ECD: variants seen among roughly 807,000 people sequenced by gnomAD.
The protein encoded by ECD is ecdysoneless cell cycle regulator.
A neutral mutation model predicts 77.2 loss-of-function variants in ECD; 59 were observed. The ratio of observed to expected loss-of-function variants is 0.76; its 90% CI spans 0.62 to 0.95. The LOEUF (loss-of-function observed/expected upper bound fraction) is 0.95, where lower values mean the gene tolerates loss of function less well. Among genes scored for constraint, ECD ranks in the 40% least tolerant of loss-of-function variants. The probability of loss-of-function intolerance (pLI) is 0.00; values close to 1 mark genes in which losing one functional copy is unlikely to be tolerated. For missense variants in ECD, 704 were observed against 763.4 expected (o/e 0.92, Z 0.92); for synonymous variants, 233 against 267.4 (o/e 0.87, Z 1.26).
chr10:73,156,594 G>T lies in ECD; in HGVS notation c.385C>A (p.Leu129Met). ...CTATTGGTGCTATTTTCAGGATCCA[G>T]CCATTTAGGGAGAAAGTCAGCAGCT... ...IEAADFLPKWLDPENSTNRVF... is the reference protein window; with the variant it reads ...IEAADFLPKWMDPENSTNRVF... The change falls in exon 4 of 14, where the codon CTG becomes ATG. Residue 129 changes from leucine to methionine, a missense_variant. By Grantham distance (15) the Leu-to-Met change is conservative. Transcript: ENST00000372979. The T allele has an allele frequency of 6.2e-7, 1 of 1,614,074 alleles. No individual in the cohort carries two copies. The highest frequency in any genetic ancestry group is 8.5e-7 in the Non-Finnish European group (1 of 1,180,036).
At position 73,152,412 on chromosome 10, in the gene ECD, T is replaced by C; in HGVS notation, c.793A>G (p.Thr265Ala). ...ACCAATTGTGCATATAGACATTTAG[T>C]GAATGTGACCTGGGCATCAAGACAC... ...ETRIMTSVTF[T>A]KCLYAQLVQQ... is the part of the protein sequence containing the mutation. The change falls in exon 7 of 14, where the codon ACT (threonine) becomes GCT (alanine). Residue 265 changes from threonine (T) to alanine (A), a missense_variant. Thr to Ala is a moderately conservative substitution (Grantham distance 58, BLOSUM62 0). This residue lies in a region of ECD where 559 missense variants were observed against 583.7 expected (regional missense o/e 0.96). Transcript: ENST00000372979. 1 of 1,612,806 alleles carries C rather than the reference T, an allele frequency of 6.2e-7. No individual in the cohort carries two copies. The highest frequency in any genetic ancestry group is 8.5e-7 in the Non-Finnish European group (1 of 1,179,010).
At chr10:73,158,855 T>C (rs936378100) in intron 3 of ECD, among the ~76,000 whole-genome samples, 12 of 152,226 alleles carry the variant, frequency 7.9e-5, no homozygotes, top group African/African-American at 2.6e-4. Context: ...CTGGGCAAAA[T>C]AGTAAGACCC....
At position 73,163,866 on chromosome 10, in the gene ECD, C is replaced by T; in HGVS notation, c.72G>A (p.Glu24=). Residue 24 remains glutamate (E), a synonymous_variant, in exon 2 of 14, where the codon GAG becomes GAA. Coordinates refer to ENST00000372979, the MANE Select transcript of ECD (RefSeq NM_007265.3). ...VEYCLFLIPD[E]SRDSDKHKEI... ...CTTTATGTTTATCTGAGTCCCTTGA[C>T]TCATCTGGTATCAGGAACAGGCAGT... The T allele has an allele frequency of 6.2e-7, 1 of 1,614,156 alleles. No individual in the cohort carries two copies. The highest frequency in any genetic ancestry group is 8.5e-7 in the Non-Finnish European group (1 of 1,180,028).
At chr10:73,141,373 G>T (rs550792316) in intron 9 of ECD, 2 of 166,674 alleles carry the variant, frequency 1.2e-5, no homozygotes, top group South Asian at 1.2e-4. Flanking sequence ...TTAGCTGGGC[G>T]TGGTGGTGGG....
intron 13 of ECD, 101 bp from the exon 14 acceptor site, chr10:73,134,914 C>A: frequency 9.6e-7 from 1 of 1,038,896 alleles, no homozygotes. Context: ...AATTTGCATT[C>A]CAAATTAAAA....
chr10:73,140,177 G>T (rs1015464031), intron 9 of ECD, among the ~76,000 whole-genome samples: 1 of 151,762 alleles, frequency 6.6e-6, no homozygotes, highest in Non-Finnish European at 1.5e-5. Flanking sequence ...TAAAGATGGG[G>T]TTTCACCATA....
chr10:73,160,410 G>T, intron 3 of ECD, 24 bp downstream of exon 3: 5 of 1,482,864 alleles, frequency 3.4e-6, no homozygotes, highest in Middle Eastern at 1.8e-4. Flanking sequence ...AATTCCTTTA[G>T]AATAATTAAA....
At chr10:73,153,820 C>G (rs1013092133) in intron 6 of ECD, among the ~76,000 whole-genome samples, 1 of 150,404 alleles carries the variant, frequency 6.6e-6, no homozygotes, top group Non-Finnish European at 1.5e-5. Context: ...AATGGGGAGG[C>G]AGGTCTCTTG....
intron 13 of ECD, 24 bp downstream of exon 13, chr10:73,136,680 G>T: frequency 6.2e-7 from 1 of 1,607,660 alleles, no homozygotes; most frequent in Non-Finnish European, 8.5e-7. Context: ...CTCAGAAAGA[G>T]AAAGAGGTTA....
chr10:73,161,832 C>T (rs1221557541), intron 2 of ECD, among the ~76,000 whole-genome samples: 3 of 152,194 alleles, frequency 2.0e-5, no homozygotes, highest in African/African-American at 7.2e-5. Flanking sequence ...AGATTATTCA[C>T]CACGACCAAG....
chr10:73,138,197 G>T, intron 11 of ECD, 127 bp from the exon 12 acceptor site: 2 of 672,628 alleles, frequency 3.0e-6, no homozygotes, highest in Non-Finnish European at 4.5e-6. Flanking sequence ...AGCAAGAAAA[G>T]TTGTAGTTTA....
intron 3 of ECD, 74 bp downstream of exon 3, chr10:73,160,360 C>T (rs1589121779): frequency 1.0e-6 from 1 of 983,776 alleles, no homozygotes; most frequent in Non-Finnish European, 1.5e-6. Context: ...AAATAAATTA[C>T]TAAATAGATA....
rs779978226 is a variant in ECD, at chr10:73,156,380, G to T, written c.485C>A (p.Thr162Asn). 1.2e-6 allele frequency: 2 copies of T among 1,613,668 alleles called. No individual in the cohort carries two copies. Among genetic ancestry groups the T allele is most frequent in the South Asian group, 1.1e-5 (1 of 90,908 alleles). The change falls in exon 5 of 14, where the codon ACC becomes AAC. Residue 162 changes from threonine (T) to asparagine (N), a missense_variant. Transcript: ENST00000372979. ...RKSGAESWLP[T>N]TPPTIPQALN... is the part of the protein sequence containing the mutation. ...TGCTTGTGGAATTGTTGGGGGTGTG[G>T]TGGGTAACCAAGATTCTGCTCCAGA... is the stretch of plus-strand genomic sequence containing the variant.
At chr10:73,146,052 TTG>T (rs1467660877) in intron 9 of ECD, among the ~76,000 whole-genome samples, 1 of 151,592 alleles carries the variant, frequency 6.6e-6, no homozygotes, top group African/African-American at 2.4e-5. Context: ...ATTTCTTTCG[TTG>T]TTTTTTTTTT....
intron 8 of ECD, 143 bp downstream of exon 8, chr10:73,148,133 G>C: frequency 1.0e-6 from 1 of 974,464 alleles, no homozygotes; most frequent in Non-Finnish European, 1.4e-6. Flanking sequence ...TAGCACCTGA[G>C]TACCACTGAA....
At chr10:73,135,896 T>A (rs995974698) in intron 13 of ECD, among the ~76,000 whole-genome samples, 15 of 152,188 alleles carry the variant, frequency 9.9e-5, no homozygotes, top group African/African-American at 3.6e-4. Flanking sequence ...AATGTATGGT[T>A]TCTACTAGAT....
intron 12 of ECD, 63 bp from the exon 13 acceptor site, chr10:73,136,981 TA>T (rs200456274): frequency 0.07 from 56,816 of 807,480 alleles, 3,850 homozygotes; most frequent in East Asian, 0.27. Flanking sequence ...TTATTATTAT[TA>T]TTATTTAGTT....
Position 73,146,377 on chromosome 10 carries a change from AGGTCT to A in ECD, c.1042-21_1042-17del. On this transcript the variant is annotated splice_polypyrimidine_tract_variant and intron_variant, in intron 8 of 13. Transcript: ENST00000372979. ...CTATCAGTCCCTTAAAAAAAAAAAA[AGGTCT>A]ATCAGAACATTACTCACAAGTTGTC... 1 of 1,465,684 alleles carries A rather than the reference AGGTCT, an allele frequency of 6.8e-7. No homozygotes were observed. Among genetic ancestry groups the A allele is most frequent in the Non-Finnish European group, 9.3e-7 (1 of 1,071,562 alleles). 90.8% of individuals were successfully genotyped at this position (1,465,684 alleles called of 1,614,324 possible).
At chr10:73,152,781 G>A (rs544239664) in intron 6 of ECD, among the ~76,000 whole-genome samples, 2 of 152,018 alleles carry the variant, frequency 1.3e-5, no homozygotes, top group South Asian at 2.1e-4. Context: ...GCATGGTGGC[G>A]CACGCCTCTA....
Sources: allele counts gnomAD v4.1 joint callset (sites outside exome capture counted in the v4.1 genomes callset), GRCh38; gene constraint gnomAD v4.1.1; regional missense constraint gnomAD v4.1.1; transcripts MANE v1.5; gene names NCBI Gene and HGNC (gene_info 2026-07-23, HGNC 2026-07-21).